NXPH2: variants seen among roughly 807,000 people sequenced by gnomAD.
NXPH2 encodes neurexophilin 2.
A neutral mutation model predicts 19.8 loss-of-function variants in NXPH2; 5 were observed. The observed-to-expected ratio is 0.25, with a 90% CI of 0.13 to 0.53. The LOEUF is 0.53. NXPH2 is among the 20% of genes least tolerant of loss of function. The pLI, the probability that NXPH2 is intolerant of heterozygous loss-of-function variation, is 0.96. For synonymous variants in NXPH2, 154 were observed against 127.4 expected (o/e 1.21, Z -1.41); for missense variants, 289 against 322.8 (o/e 0.90, Z 0.80).
intron 1 of NXPH2, among the ~76,000 whole-genome samples, chr2:138,777,831 T>TAAAAAAAAAAAAAA (rs11299940): frequency 2.2e-5 from 2 of 92,948 alleles, no homozygotes; most frequent in African/African-American, 4.1e-5. Context: ...ACCAAAAAAT[T>TAAAAAAAAAAAAAA]AAAAAAAAAA....
rs1386958646 is a variant in NXPH2 at position 138,772,454 on chromosome 2, G to T, written c.51+7737C>A. 2.0e-5 allele frequency among the ~76,000 whole-genome samples: 3 copies of T among 152,032 alleles called. No individual in the cohort carries two copies. The South Asian group carries it at 6.2e-4, about 32-fold the overall frequency. On this transcript the variant is annotated intron_variant, in intron 1 of 1. Coordinates refer to ENST00000272641, the MANE Select transcript of NXPH2 (RefSeq NM_007226.3). ...TGGGATTACAGGCATGCGCCACCAC[G>T]CCTGGCTAATTTTGTATTTTTTAGT...
rs1279844571 is a variant in NXPH2 at position 138,670,199 on chromosome 2, G to GTCTAAAAACA, written c.*722_*723insTGTTTTTAGA. ...AGAGTCTAAAAACATCATGATTTTT[G>GTCTAAAAACA]TTATCGTTCAACAAACTTATTCTCA... On this transcript the variant is annotated 3_prime_UTR_variant, in exon 2 of 2. Transcript: ENST00000272641. Among the ~76,000 whole-genome samples the GTCTAAAAACA allele has an allele frequency of 3.3e-5, 5 of 152,104 alleles. No homozygotes were observed. Among genetic ancestry groups the GTCTAAAAACA allele is most frequent in the Non-Finnish European group, 7.4e-5 (5 of 68,000 alleles).
intron 1 of NXPH2, among the ~76,000 whole-genome samples, chr2:138,739,856 A>C (rs746532101): frequency 1.3e-5 from 2 of 152,228 alleles, no homozygotes; most frequent in Non-Finnish European, 2.9e-5. Flanking sequence ...ATTGTACAGA[A>C]TGAATTAAAA....
intron 1 of NXPH2, among the ~76,000 whole-genome samples, chr2:138,711,144 A>ATTTTTTTTTT (rs1681099881): frequency 4.1e-5 from 1 of 24,638 alleles, no homozygotes. Flanking sequence ...CATTTCTATC[A>ATTTTTTTTTT]CTTTTTTTTT....
intron 1 of NXPH2, among the ~76,000 whole-genome samples, chr2:138,726,380 A>G (rs947523680): frequency 6.6e-6 from 1 of 152,080 alleles, no homozygotes; most frequent in Non-Finnish European, 1.5e-5. Flanking sequence ...ATGTTGATTT[A>G]TTTCCTCTTA....
At chr2:138,686,630 C>T (rs1398599861) in intron 1 of NXPH2, among the ~76,000 whole-genome samples, 1 of 152,036 alleles carries the variant, frequency 6.6e-6, no homozygotes. Context: ...TATACATGTG[C>T]CATGTTGGTG....
At chr2:138,714,149 C>T (rs1681154262) in intron 1 of NXPH2, among the ~76,000 whole-genome samples, 1 of 152,076 alleles carries the variant, frequency 6.6e-6, no homozygotes, top group African/African-American at 2.4e-5. Flanking sequence ...AAAATTCATA[C>T]TAGAATAAAT....
At chr2:138,724,221 G>A (rs1459952771) in intron 1 of NXPH2, among the ~76,000 whole-genome samples, 1 of 152,128 alleles carries the variant, frequency 6.6e-6, no homozygotes, top group African/African-American at 2.4e-5. Context: ...GTTAGTTCCA[G>A]CTCCATCCAT....
At position 138,780,232 on chromosome 2, in the gene NXPH2, G is replaced by T; in HGVS notation, c.10C>A (p.Arg4=). The T allele has an allele frequency of 6.9e-7, 1 of 1,458,840 alleles. No homozygotes were observed. Among genetic ancestry groups the T allele is most frequent in the Non-Finnish European group, 9.0e-7 (1 of 1,114,958 alleles). 90.4% of individuals were successfully genotyped at this position (1,458,840 alleles called of 1,614,324 possible). A position where few individuals can be genotyped will look rare whatever the true frequency, so the allele number is the denominator to read the frequency against. The change falls in exon 1 of 2, where the codon CGG becomes AGG. Residue 4 remains arginine, a synonymous_variant. Transcript: ENST00000272641. MRL[R]PLPLVVVPGL... is the part of the protein sequence containing the mutation. ...GGGACCACCACGAGGGGCAGCGGCC[G>T]CAGGCGCATGGTGCCGGCTGGCGCG...
intron 1 of NXPH2, among the ~76,000 whole-genome samples, chr2:138,768,730 C>T (rs1257613520): frequency 6.6e-6 from 1 of 152,176 alleles, no homozygotes; most frequent in East Asian, 1.9e-4. Flanking sequence ...CACAAAGACC[C>T]TAAGTTAATA....
chr2:138,741,923 A>G (rs72873906), intron 1 of NXPH2, among the ~76,000 whole-genome samples: 7,187 of 152,342 alleles, frequency 0.047, 216 homozygotes, highest in Non-Finnish European at 0.06. Flanking sequence ...ATAGCATGGC[A>G]AAATGCACTA....
intron 1 of NXPH2, among the ~76,000 whole-genome samples, chr2:138,771,237 C>G (rs1031938579): frequency 6.6e-6 from 1 of 151,958 alleles, no homozygotes; most frequent in African/African-American, 2.4e-5. Context: ...CCATGAAATA[C>G]AGTGAATCTT....
At chr2:138,717,600 A>C (rs1681213286) in intron 1 of NXPH2, among the ~76,000 whole-genome samples, 1 of 152,016 alleles carries the variant, frequency 6.6e-6, no homozygotes, top group Non-Finnish European at 1.5e-5. Flanking sequence ...TCTTCCTCTT[A>C]ATGCCATCAC....
At chr2:138,744,022 AGAC>A (rs1396556813) in intron 1 of NXPH2, among the ~76,000 whole-genome samples, 2 of 150,720 alleles carry the variant, frequency 1.3e-5, no homozygotes, top group African/African-American at 4.9e-5. Flanking sequence ...AAAAAAAAAA[AGAC>A]AGAAGGTATC....
At chr2:138,768,504 G>A (rs1317713308) in intron 1 of NXPH2, among the ~76,000 whole-genome samples, 2 of 152,142 alleles carry the variant, frequency 1.3e-5, no homozygotes, top group Non-Finnish European at 2.9e-5. Flanking sequence ...TTCTCAACCA[G>A]AACACAGCAT....
At chr2:138,687,146 T>C (rs930322363) in intron 1 of NXPH2, among the ~76,000 whole-genome samples, 1 of 152,322 alleles carries the variant, frequency 6.6e-6, no homozygotes, top group Non-Finnish European at 1.5e-5. Context: ...CCACAATGGT[T>C]GAACTAGTTT....
chr2:138,717,453 A>G (rs896257339), intron 1 of NXPH2, among the ~76,000 whole-genome samples: 1 of 151,510 alleles, frequency 6.6e-6, no homozygotes, highest in Admixed American at 6.6e-5. Flanking sequence ...CCGATTTGGT[A>G]TCTAGTAAGT....
At chr2:138,675,942 C>CAT (rs1010972100) in intron 1 of NXPH2, among the ~76,000 whole-genome samples, 2 of 84,846 alleles carry the variant, frequency 2.4e-5, no homozygotes, top group African/African-American at 9.4e-5. Context: ...GTAAAAAGTA[C>CAT]ATATATATAC....
chr2:138,680,099 A>T (rs1680550199), intron 1 of NXPH2, among the ~76,000 whole-genome samples: 1 of 152,190 alleles, frequency 6.6e-6, no homozygotes, highest in Non-Finnish European at 1.5e-5. Context: ...AGCAAGAGAC[A>T]GGAACAGAAG....
Sources: allele counts gnomAD v4.1 joint callset (sites outside exome capture counted in the v4.1 genomes callset), GRCh38; gene constraint gnomAD v4.1.1; transcripts MANE v1.5; gene names NCBI Gene and HGNC (gene_info 2026-07-23, HGNC 2026-07-21).